The following CNKSR1 variants were observed in gnomAD, a reference collection of about 807,000 sequenced individuals.
The protein encoded by CNKSR1 is connector enhancer of kinase suppressor of Ras 1.
In CNKSR1, 88 loss-of-function variants were observed where a neutral mutation model predicts 95.6. The observed-to-expected ratio is 0.92, with a 90% CI of 0.78 to 1.10. The LOEUF is 1.10. Among genes scored for constraint, CNKSR1 ranks in the 50% least tolerant of loss-of-function variants. The probability of loss-of-function intolerance (pLI) is 0.00; values close to 1 mark genes in which losing one functional copy is unlikely to be tolerated. For synonymous variants in CNKSR1, 355 were observed against 369.7 expected, an observed-to-expected ratio of 0.96 and a Z score of 0.46; for missense variants, 836 against 912.0, an observed-to-expected ratio of 0.92 and a Z score of 1.07.
In CNKSR1 at chr1:26,188,293, C is replaced by T. The variant is rs12409430; in HGVS notation, c.1514C>T (p.Pro505Leu). The T allele has an allele frequency of 2.6e-5, 42 of 1,614,010 alleles. No homozygotes were observed. The highest frequency in any genetic ancestry group is 9.3e-5 in the African/African-American group (7 of 74,898). Residue 505 changes from proline (P) to leucine (L), a missense_variant, in exon 17 of 21, where the codon CCA (proline) becomes CTA (leucine). Physicochemically the swap from Pro to Leu is moderately conservative, Grantham distance 98. Transcript: ENST00000361530. ...SKYQSPGRAPPPREEDCYSET... is the reference protein window; with the variant it reads ...SKYQSPGRAPLPREEDCYSET... Reference sequence around the variant, plus strand: ...TACCAGTCTCCAGGCCGGGCCCCCCCACCCCGAGAGGAAGGTAGGTGTCTC... The same window carrying T: ...TACCAGTCTCCAGGCCGGGCCCCCCTACCCCGAGAGGAAGGTAGGTGTCTC...
chr1:26,186,623 T>C (rs1368596236), intron 14 of CNKSR1, among the ~76,000 whole-genome samples: 1 of 152,186 alleles, frequency 6.6e-6, no homozygotes, highest in African/African-American at 2.4e-5. Flanking sequence ...TACAGGCACC[T>C]GCCACCATGC....
At position 26,185,079 on chromosome 1, in the gene CNKSR1, G is replaced by A. The variant is rs376100282; in HGVS notation, c.1201G>A (p.Gly401Ser). The change falls in exon 14 of 21, where the codon GGC (glycine) becomes AGC (serine). Residue 401 changes from glycine to serine, a missense_variant. Transcript: ENST00000361530. ...CRELGRPDCDGWLLLRKAPGG... is the reference protein window; with the variant it reads ...CRELGRPDCDSWLLLRKAPGG... ...TGAGCTGGGCCGGCCGGACTGTGAC[G>A]GCTGGCTCCTGTTGCGAAAGGCACC... 2.2e-5 allele frequency: 36 copies of A among 1,605,936 alleles called. No individual in the cohort carries two copies. The highest frequency in any genetic ancestry group is 1.7e-4 in the Middle Eastern group (1 of 5,984).
At chr1:26,182,670 C>T (rs893397559) in intron 6 of CNKSR1, 86 bp downstream of exon 6, 5 of 1,200,406 alleles carry the variant, frequency 4.2e-6, no homozygotes, top group Non-Finnish European at 6.1e-6. Context: ...CCCACAGAAC[C>T]CTGTGCTGCC....
chr1:26,177,546 C>T lies in CNKSR1; in HGVS notation c.-2C>T, dbSNP rs1569868267. ...GCTGATTCGAGCTGGCAGAGCTGGG[C>T]CATGGAACCGGTAGAGACCTGGACC... is the stretch of plus-strand genomic sequence containing the variant. On this transcript the variant is annotated 5_prime_UTR_variant, in exon 1 of 21. Coordinates refer to ENST00000361530, the MANE Select transcript of CNKSR1 (RefSeq NM_006314.3). The T allele has an allele frequency of 6.2e-7, 1 of 1,614,016 alleles. No homozygotes were observed. The highest frequency in any genetic ancestry group is 8.5e-7 in the Non-Finnish European group (1 of 1,179,984).
chr1:26,183,357 C>G lies in CNKSR1; in HGVS notation c.696C>G (p.Asp232Glu). 1 of 1,614,224 alleles carries G rather than the reference C, an allele frequency of 6.2e-7. No homozygotes were observed. The highest frequency in any genetic ancestry group is 1.1e-5 in the South Asian group (1 of 91,090). The change falls in exon 8 of 21, where the codon GAC (aspartate) becomes GAG (glutamate). Residue 232 changes from aspartate to glutamate, a missense_variant. By Grantham distance (45) the Asp-to-Glu change is conservative. Transcript: ENST00000361530. Reference sequence around the variant, plus strand: ...ATTCCCCACGTCAGGTTCCCACTGACTCCCGACTGCAGATCCAGCCTGGAG... The same window carrying G: ...ATTCCCCACGTCAGGTTCCCACTGAGTCCCGACTGCAGATCCAGCCTGGAG... The part of the protein sequence containing the change: ...VSQVDTQVPT[D>E]SRLQIQPGDE...
At chr1:26,187,010 T>A (rs539993966) in intron 14 of CNKSR1, 158 bp from the exon 15 acceptor site, 1 of 681,676 alleles carries the variant, frequency 1.5e-6, no homozygotes, top group African/African-American at 1.8e-5. Flanking sequence ...GACCCCAGAT[T>A]CCAGCCCTGA....
chr1:26,184,903 G>T, intron 13 of CNKSR1, 111 bp from the exon 14 acceptor site: 1 of 1,123,292 alleles, frequency 8.9e-7, no homozygotes, highest in Non-Finnish European at 1.3e-6. Context: ...ATTCTGAGCA[G>T]AGTGTGGGTT....
chr1:26,179,414 C>T lies in CNKSR1; in HGVS notation c.53-1039C>T, dbSNP rs113006588. On this transcript the variant is annotated intron_variant, in intron 1 of 20. Transcript: ENST00000361530. ...AGCAACGCCAGCAGGAGGAATAGCACTTGCAAGGACGCTGAGGTAAAAGGG... is the reference window on the plus strand; with the variant it reads ...AGCAACGCCAGCAGGAGGAATAGCATTTGCAAGGACGCTGAGGTAAAAGGG... Among the ~76,000 whole-genome samples the T allele has an allele frequency of 2.2e-4, 34 of 152,312 alleles. 2 individuals are homozygous for T. Among genetic ancestry groups the T allele is most frequent in the African/African-American group, 7.7e-4 (32 of 41,558 alleles).
At chr1:26,189,029 A>AC in intron 20 of CNKSR1, 76 bp downstream of exon 20, 4 of 1,438,060 alleles carry the variant, frequency 2.8e-6, no homozygotes, top group Non-Finnish European at 3.7e-6. Flanking sequence ...TGTCACCTCC[A>AC]CCCTGGGCAC....
chr1:26,187,023 T>C lies in CNKSR1; in HGVS notation c.1309-145T>C. ...CTGACCCCAGATTCCAGCCCTGAGC[T>C]CCAGAAACAGAGAGACTTGTTAGAG... On this transcript the variant is annotated intron_variant, in intron 14 of 20. Transcript: ENST00000361530. 3 of 703,730 alleles carry C rather than the reference T, an allele frequency of 4.3e-6. No homozygotes were observed. The South Asian group carries it at 4.5e-5, about 11-fold the overall frequency. The allele number at this position is 703,730 out of a possible 1,614,324, so 43.6% of individuals were successfully genotyped here.
chr1:26,183,157 G>GC, intron 6 of CNKSR1, 40 bp from the exon 7 acceptor site: 5 of 1,606,246 alleles, frequency 3.1e-6, no homozygotes, highest in Non-Finnish European at 4.3e-6. Context: ...TGGCCCTGTT[G>GC]CCCCCCAGCC....
intron 1 of CNKSR1, chr1:26,180,222 C>G: frequency 1.7e-6 from 1 of 589,280 alleles, no homozygotes; most frequent in Middle Eastern, 4.6e-4. Context: ...CTAACAAGTT[C>G]TCCGGTGAGT....
Position 26,183,843 on chromosome 1 carries a change from G to A in CNKSR1, c.855+13G>A. 2.3e-6 allele frequency: 3 copies of A among 1,327,100 alleles called. No individual in the cohort carries two copies. Among genetic ancestry groups the A allele is most frequent in the Non-Finnish European group, 2.1e-6 (2 of 961,758 alleles). 82.2% of individuals were successfully genotyped at this position (1,327,100 alleles called of 1,614,324 possible). A position where few individuals can be genotyped will look rare whatever the true frequency, so the allele number is the denominator to read the frequency against. ...GACCCCCCCACAGGTACCTTCCCCT[G>A]CCGCCCCCCGACCTGCCTTCAGACC... On this transcript the variant is annotated intron_variant, in intron 9 of 20. Transcript: ENST00000361530.
At position 26,188,432 on chromosome 1, in the gene CNKSR1, C is replaced by T. The variant is rs768260712; in HGVS notation, c.1529-10C>T. The stretch of plus-strand genomic sequence containing the variant: ...GCCTCCCAAAAACCCACTGCTGCTC[C>T]TCACCCCAGACTGCTACAGTGAGAC... On this transcript the variant is annotated splice_polypyrimidine_tract_variant and intron_variant, in intron 17 of 20. Coordinates refer to ENST00000361530, the MANE Select transcript of CNKSR1 (RefSeq NM_006314.3). The T allele has an allele frequency of 2.5e-6, 4 of 1,605,498 alleles. No homozygotes were observed. Among genetic ancestry groups the T allele is most frequent in the Non-Finnish European group, 2.6e-6 (3 of 1,176,134 alleles).
At chr1:26,177,680 A>C (rs555069774) in intron 1 of CNKSR1, 81 bp downstream of exon 1, 2 of 1,536,790 alleles carry the variant, frequency 1.3e-6, no homozygotes, top group South Asian at 2.3e-5. Context: ...GAGGAAAAGG[A>C]AAAAAAATCT....
intron 3 of CNKSR1, chr1:26,181,581 A>G: frequency 2.4e-6 from 1 of 413,000 alleles, no homozygotes; most frequent in South Asian, 2.5e-5. Flanking sequence ...ATGTTTCATG[A>G]TACTCATTAC....
intron 14 of CNKSR1, among the ~76,000 whole-genome samples, chr1:26,186,290 T>G (rs2088749473): frequency 6.6e-6 from 1 of 152,178 alleles, no homozygotes; most frequent in Non-Finnish European, 1.5e-5. Context: ...AGCAAGCTCT[T>G]CTTGTTTGGT....
rs2088633869 is a variant in CNKSR1 at position 26,180,735 on chromosome 1, G to C, written c.231G>C (p.Glu77Asp). The C allele has an allele frequency of 2.5e-6, 4 of 1,614,094 alleles. No homozygotes were observed. Among genetic ancestry groups the C allele is most frequent in the Non-Finnish European group, 3.4e-6 (4 of 1,180,028 alleles). ...CACAGAGCTCCAGGCTACAGACAGA[G>C]AACCTGCAAAGCCTGACAGAGGGAC... Reference protein sequence around the residue: ...LQALSSRLQTENLQSLTEGLL... With the variant: ...LQALSSRLQTDNLQSLTEGLL... The change falls in exon 3 of 21, where the codon GAG becomes GAC. Residue 77 changes from glutamate to aspartate, a missense_variant. Physicochemically the swap from Glu to Asp is conservative, Grantham distance 45. Coordinates refer to ENST00000361530, the MANE Select transcript of CNKSR1 (RefSeq NM_006314.3).
chr1:26,186,957 C>T (rs574431806), intron 14 of CNKSR1: 2 of 552,040 alleles, frequency 3.6e-6, no homozygotes, highest in Non-Finnish European at 6.5e-6. Context: ...TTTGGCTCCC[C>T]TTTCCTGGCT....
Sources: gnomAD v4.1 joint callset for allele counts (sites outside exome capture counted in the v4.1 genomes callset) on GRCh38, gnomAD v4.1.1 for gene constraint, MANE v1.5 for transcripts, NCBI Gene and HGNC (gene_info 2026-07-23, HGNC 2026-07-21) for gene names.